Variants in SMAD1 observed in about 807,000 individuals in gnomAD.
SMAD1 encodes MAD, mothers against decapentaplegic homolog 1.
Under a neutral mutation model 41.6 loss-of-function variants are expected in SMAD1, and 6 were observed. That is an observed-to-expected ratio of 0.14 (90% CI 0.08 to 0.28). The LOEUF (loss-of-function observed/expected upper bound fraction) is 0.28, where lower values mean the gene tolerates loss of function less well. Among genes scored for constraint, SMAD1 ranks in the 10% least tolerant of loss-of-function variants. The pLI, the probability that SMAD1 is intolerant of heterozygous loss-of-function variation, is 1.00. For synonymous variants in SMAD1, 206 were observed against 203.2 expected, an observed-to-expected ratio of 1.01 and a Z score of -0.12; for missense variants, 379 against 582.6, an observed-to-expected ratio of 0.65 and a Z score of 3.60.
At chr4:145,528,432 G>A (rs1731152933) in intron 2 of SMAD1, among the ~76,000 whole-genome samples, 1 of 152,030 alleles carries the variant, frequency 6.6e-6, no homozygotes. Flanking sequence ...TAGAGACGGG[G>A]GGTTTCACTA....
intron 5 of SMAD1, among the ~76,000 whole-genome samples, chr4:145,552,080 A>G (rs538690029): frequency 1.4e-4 from 21 of 152,356 alleles, no homozygotes; most frequent in African/African-American, 5.0e-4. Flanking sequence ...GTATCAAACT[A>G]TTAATAATTA....
At position 145,496,302 on chromosome 4, in the gene SMAD1, G is replaced by A. The variant is rs1030424363; in HGVS notation, c.-177+14264G>A. On this transcript the variant is annotated intron_variant, in intron 1 of 6. Transcript: ENST00000302085. ...GGGGGACTACTGTGGAGAAGCAGTA[G>A]AGAGGTTACCTTGGCAGGTTCCTTA... Among the ~76,000 whole-genome samples the A allele has an allele frequency of 2.0e-5, 3 of 152,306 alleles. No individual in the cohort carries two copies. The East Asian group carries it at 5.8e-4, about 29-fold the overall frequency.
Position 145,554,624 on chromosome 4 carries a change from T to C in SMAD1, c.1254+584T>C, listed in dbSNP as rs560478869. Among the ~76,000 whole-genome samples the C allele has an allele frequency of 9.2e-5, 14 of 152,308 alleles. No homozygotes were observed. In the East Asian group the frequency reaches 2.7e-3, roughly 29 times the overall value. ...AGATGCCTTAGCTCAAAGATTGCAT[T>C]GTAAGGTTTGATGAGGGAAGAGGTT... On this transcript the variant is annotated intron_variant, in intron 6 of 6. Transcript: ENST00000302085.
At chr4:145,539,030 T>A (rs779889610) in intron 2 of SMAD1, among the ~76,000 whole-genome samples, 5 of 152,218 alleles carry the variant, frequency 3.3e-5, no homozygotes, top group Non-Finnish European at 4.4e-5. Flanking sequence ...TTTTCTTTGC[T>A]TCTCAACAGG....
chr4:145,510,528 T>C lies in SMAD1; in HGVS notation c.-176-3910T>C, dbSNP rs559954319. On this transcript the variant is annotated intron_variant, in intron 1 of 6. Transcript: ENST00000302085. ...CCTTTGGGTTATTTTAAAGTTTGGTTCTTTTCAATAACAATGTTTTTATTG... is the reference window on the plus strand; with the variant it reads ...CCTTTGGGTTATTTTAAAGTTTGGTCCTTTTCAATAACAATGTTTTTATTG... 9.2e-5 allele frequency among the ~76,000 whole-genome samples: 14 copies of C among 152,308 alleles called. No individual in the cohort carries two copies. The South Asian group carries it at 2.9e-3, about 32-fold the overall frequency.
intron 6 of SMAD1, among the ~76,000 whole-genome samples, chr4:145,555,515 C>T (rs1227213055): frequency 6.6e-6 from 1 of 152,140 alleles, no homozygotes; most frequent in Non-Finnish European, 1.5e-5. Context: ...TGAGGTCCCT[C>T]AGTGAGTCTG....
intron 1 of SMAD1, among the ~76,000 whole-genome samples, chr4:145,494,818 CTG>C (rs1464695244): frequency 6.6e-6 from 1 of 152,210 alleles, no homozygotes; most frequent in Non-Finnish European, 1.5e-5. Flanking sequence ...GCACCCAGCA[CTG>C]TGTGATGTCA....
chr4:145,518,200 A>C lies in SMAD1; in HGVS notation c.400+3187A>C, dbSNP rs1171430646. Among the ~76,000 whole-genome samples the C allele has an allele frequency of 1.6e-5, 2 of 125,996 alleles. 1 individual carries two copies. The highest frequency in any genetic ancestry group is 5.1e-5 in the African/African-American group (2 of 39,372). The allele number at this position is 125,996 out of a possible 152,430, so 82.7% of individuals were successfully genotyped here. A position where few individuals can be genotyped will look rare whatever the true frequency, so the allele number is the denominator to read the frequency against. ...GAGGATCACTTGAGCCCCAGAGTTG[A>C]AGGCTGCAGCACACTATGATCATGC... On this transcript the variant is annotated intron_variant, in intron 2 of 6. Coordinates refer to ENST00000302085, the MANE Select transcript of SMAD1 (RefSeq NM_005900.3).
intron 2 of SMAD1, among the ~76,000 whole-genome samples, chr4:145,529,222 A>AT (rs979160437): frequency 5.0e-4 from 75 of 151,208 alleles, no homozygotes; most frequent in East Asian, 1.7e-3. Context: ...TTTTGAAGGT[A>AT]TTTTTTTTTC....
At chr4:145,497,694 C>G (rs1729169725) in intron 1 of SMAD1, 1 of 152,112 alleles carries the variant, frequency 6.6e-6, no homozygotes, top group Non-Finnish European at 1.5e-5. Flanking sequence ...GCAGATAAGA[C>G]TGTACTGAAC....
At chr4:145,547,022 A>G in intron 5 of SMAD1, 98 bp downstream of exon 5, 1 of 956,758 alleles carries the variant, frequency 1.0e-6, no homozygotes, top group Non-Finnish European at 1.7e-6. Flanking sequence ...CTGTTGTAGC[A>G]AAGACCAGGT....
At chr4:145,481,372 GAT>G, upstream of SMAD1, 1 of 152,292 alleles carries the variant, frequency 6.6e-6, no homozygotes, top group East Asian at 1.9e-4. Flanking sequence ...GGCAACGAAA[GAT>G]AGACATAAAA....
At chr4:145,541,031 A>G (rs1367123457) in intron 3 of SMAD1, among the ~76,000 whole-genome samples, 1 of 152,048 alleles carries the variant, frequency 6.6e-6, no homozygotes, top group Admixed American at 6.6e-5. Flanking sequence ...TTTCAGTCCA[A>G]AGCTGTTTGG....
chr4:145,521,131 T>G (rs1051082736), intron 2 of SMAD1, among the ~76,000 whole-genome samples: 5 of 152,244 alleles, frequency 3.3e-5, no homozygotes, highest in African/African-American at 1.2e-4. Context: ...GTGGACTGTT[T>G]ACTTGGACTT....
intron 2 of SMAD1, among the ~76,000 whole-genome samples, chr4:145,527,836 C>A (rs921106302): frequency 6.6e-6 from 1 of 150,664 alleles, no homozygotes; most frequent in Non-Finnish European, 1.5e-5. Flanking sequence ...TTTATGGAGG[C>A]TTCTGTTTAT....
At position 145,514,877 on chromosome 4, in the gene SMAD1, C is replaced by T. The variant is rs1221971176; in HGVS notation, c.264C>T (p.Tyr88=). ...GGAAGGGACTGCCTCATGTCATTTA[C>T]TGCCGTGTGTGGCGCTGGCCCGATC... ...SHRKGLPHVI[Y]CRVWRWPDLQ... The change falls in exon 2 of 7, where the codon TAC becomes TAT. Residue 88 remains tyrosine (Y), a synonymous_variant. Transcript: ENST00000302085. This position sits in a 1 kb window ranked among gnomAD's most constrained non-coding sequence, Gnocchi z 4.7. The T allele has an allele frequency of 6.2e-6, 10 of 1,614,096 alleles. No individual in the cohort carries two copies. Among genetic ancestry groups the T allele is most frequent in the Non-Finnish European group, 6.8e-6 (8 of 1,180,012 alleles).
At chr4:145,485,666 T>G (rs914511720) in intron 1 of SMAD1, among the ~76,000 whole-genome samples, 33 of 152,196 alleles carry the variant, frequency 2.2e-4, no homozygotes, top group Admixed American at 1.7e-3. Flanking sequence ...AAAACACAAT[T>G]TGGAAGGGAC....
intron 1 of SMAD1, among the ~76,000 whole-genome samples, chr4:145,499,251 C>G (rs1160211316): frequency 6.6e-6 from 1 of 152,208 alleles, no homozygotes; most frequent in East Asian, 1.9e-4. Context: ...TATGGCACCA[C>G]AAGTGGAAAA....
At chr4:145,552,237 C>G (rs1732588829) in intron 5 of SMAD1, among the ~76,000 whole-genome samples, 1 of 152,132 alleles carries the variant, frequency 6.6e-6, no homozygotes, top group Non-Finnish European at 1.5e-5. Context: ...TTCTCTATAT[C>G]AGGCCAAAAA....
Sources: allele counts gnomAD v4.1 joint callset (sites outside exome capture counted in the v4.1 genomes callset), GRCh38; gene constraint gnomAD v4.1.1; non-coding constraint Gnocchi (gnomAD v3.1); transcripts MANE v1.5; gene names NCBI Gene and HGNC (gene_info 2026-07-23, HGNC 2026-07-21).